The following SMTNL2 variants were observed in gnomAD, a reference collection of about 807,000 sequenced individuals.
SMTNL2 encodes smoothelin-like protein 2.
In SMTNL2, 43 loss-of-function variants were observed where a neutral mutation model predicts 44.1. The observed-to-expected ratio is 0.98, with a 90% CI of 0.76 to 1.26. The LOEUF (loss-of-function observed/expected upper bound fraction) is 1.26. SMTNL2 is among the 50% of genes most tolerant of loss of function. The probability of loss-of-function intolerance (pLI) is 0.00; values close to 1 mark genes in which losing one functional copy is unlikely to be tolerated. For missense variants in SMTNL2, 646 were observed against 670.2 expected, an observed-to-expected ratio of 0.96 and a Z score of 0.40; for synonymous variants, 317 against 287.6, an observed-to-expected ratio of 1.10 and a Z score of -1.03.
rs1470861567 is a variant in SMTNL2, at chr17:4,592,814, G to A, written c.488-115G>A. On this transcript the variant is annotated intron_variant, in intron 2 of 7. Transcript: ENST00000389313. This position sits in a 1 kb window ranked among gnomAD's most constrained non-coding sequence, Gnocchi z 4.5. The stretch of plus-strand genomic sequence containing the variant: ...CAGAGAGGCTGGAGCAGTCAGGGAG[G>A]CCTTCCTAGAGGAGGTGGGAGGAGG... 5 of 1,405,580 alleles carry A rather than the reference G, an allele frequency of 3.6e-6. No homozygotes were observed. The highest frequency in any genetic ancestry group is 3.8e-6 in the Non-Finnish European group (4 of 1,044,870). 87.1% of individuals were successfully genotyped at this position (1,405,580 alleles called of 1,614,324 possible). A position where few individuals can be genotyped will look rare whatever the true frequency, so the allele number is the denominator to read the frequency against.
In SMTNL2 at chr17:4,598,138, G is replaced by C. The variant is rs1909893348; in HGVS notation, c.1259+815G>C. 6.6e-6 allele frequency among the ~76,000 whole-genome samples: 1 copy of C among 152,238 alleles called. No homozygotes were observed. Among genetic ancestry groups the C allele is most frequent in the Non-Finnish European group, 1.5e-5 (1 of 68,036 alleles). On this transcript the variant is annotated intron_variant, in intron 7 of 7. Coordinates refer to ENST00000389313, the MANE Select transcript of SMTNL2 (RefSeq NM_001114974.2). The surrounding 1 kb of genome is among the most constrained non-coding windows in gnomAD (Gnocchi z 4.8). ...GTGGCCTGGGTGCGGAGGACTGTCT[G>C]ATAAGAGCTGCGCTTTGGGCAAATG...
chr17:4,603,871 G>C (rs1389905046), intron 7 of SMTNL2, among the ~76,000 whole-genome samples: 1 of 151,670 alleles, frequency 6.6e-6, no homozygotes, highest in Non-Finnish European at 1.5e-5. Flanking sequence ...TTGAGATAGA[G>C]TCTCACTCTG....
intron 7 of SMTNL2, among the ~76,000 whole-genome samples, chr17:4,602,113 C>T (rs1374075897): frequency 3.3e-5 from 5 of 151,970 alleles, no homozygotes; most frequent in Admixed American, 6.6e-5. Flanking sequence ...TAATACTTAC[C>T]GGTTGAGCAT....
At position 4,593,109 on chromosome 17, in the gene SMTNL2, C is replaced by G; in HGVS notation, c.668C>G (p.Thr223Ser). 6.2e-7 allele frequency: 1 copy of G among 1,613,702 alleles called. No homozygotes were observed. Among genetic ancestry groups the G allele is most frequent in the Non-Finnish European group, 8.5e-7 (1 of 1,179,838 alleles). ...AAALSPMSAA[T>S]LGGLNPSPSE... The stretch of plus-strand genomic sequence containing the variant: ...GCTCTATCACCCATGTCTGCTGCCA[C>G]CCTGGGGGGCCTCAACCCAAGCCCC... The change falls in exon 3 of 8, where the codon ACC becomes AGC. Residue 223 changes from threonine (T) to serine (S), a missense_variant. By Grantham distance (58) the Thr-to-Ser change is moderately conservative. Coordinates refer to ENST00000389313, the MANE Select transcript of SMTNL2 (RefSeq NM_001114974.2).
rs774419171 is a variant in SMTNL2 at position 4,607,424 on chromosome 17, G to A, written c.1323G>A (p.Pro441=). ...VEDMMVMGRK[P]DPMCVFTYVQ... is the part of the protein sequence containing the mutation. ...ACATGATGGTGATGGGCCGCAAGCCGGACCCCATGTGTGTCTTCACCTACG... is the reference window on the plus strand; with the variant it reads ...ACATGATGGTGATGGGCCGCAAGCCAGACCCCATGTGTGTCTTCACCTACG... The change falls in exon 8 of 8, where the codon CCG becomes CCA. Residue 441 remains proline (P), a synonymous_variant. Coordinates refer to ENST00000389313, the MANE Select transcript of SMTNL2 (RefSeq NM_001114974.2). This position sits in a 1 kb window ranked among gnomAD's most constrained non-coding sequence, Gnocchi z 4.7. The A allele has an allele frequency of 1.3e-5, 21 of 1,614,066 alleles. No individual in the cohort carries two copies. Among genetic ancestry groups the A allele is most frequent in the African/African-American group, 4.0e-5 (3 of 74,920 alleles).
At chr17:4,604,912 C>T (rs1383148847) in intron 7 of SMTNL2, among the ~76,000 whole-genome samples, 1 of 152,068 alleles carries the variant, frequency 6.6e-6, no homozygotes, top group Non-Finnish European at 1.5e-5. Flanking sequence ...CTCAGGCAAT[C>T]TGCCCGCCTC....
intron 7 of SMTNL2, among the ~76,000 whole-genome samples, chr17:4,605,506 C>T (rs766106935): frequency 2.6e-5 from 4 of 152,068 alleles, no homozygotes; most frequent in Admixed American, 2.0e-4. Flanking sequence ...CTTTGCTGTT[C>T]CACCTGATTT....
upstream of SMTNL2, among the ~76,000 whole-genome samples, chr17:4,584,269 T>C (rs949361878): frequency 3.3e-5 from 5 of 152,106 alleles, no homozygotes; most frequent in African/African-American, 1.2e-4. Context: ...CCGGGTGTGC[T>C]CTCTACGGTC....
Position 4,592,907 on chromosome 17 carries a change from C to G in SMTNL2, c.488-22C>G. The stretch of plus-strand genomic sequence containing the variant: ...GTGGCTGCCACAGCTGACCACCCAC[C>G]CATGCTGGTCACATGTTCCAGGTCC... On this transcript the variant is annotated intron_variant, in intron 2 of 7. Coordinates refer to ENST00000389313, the MANE Select transcript of SMTNL2 (RefSeq NM_001114974.2). The surrounding 1 kb of genome is among the most constrained non-coding windows in gnomAD (Gnocchi z 4.5). The G allele has an allele frequency of 6.3e-7, 1 of 1,598,098 alleles. No homozygotes were observed. Among genetic ancestry groups the G allele is most frequent in the South Asian group, 1.1e-5 (1 of 89,374 alleles).
chr17:4,601,509 T>C (rs555207324), intron 7 of SMTNL2, among the ~76,000 whole-genome samples: 3 of 150,878 alleles, frequency 2.0e-5, no homozygotes, highest in South Asian at 4.2e-4. Context: ...ACTTTCTGTT[T>C]GAATGATTGA....
Position 4,584,959 on chromosome 17 carries a change from A to G in SMTNL2, c.354A>G (p.Ala118=). Residue 118 remains alanine (A), a synonymous_variant, in exon 1 of 8, where the codon GCA becomes GCG. Transcript: ENST00000389313. ...ACCGCGCGCCCCGCCTGGGCAGCGC[A>G]CGCTTCGCCAGCCACGCCACCTTCT... ...VPDRAPRLGS[A]RFASHATFSL... The G allele has an allele frequency of 7.3e-7, 1 of 1,367,970 alleles. No individual in the cohort carries two copies. 84.7% of individuals were successfully genotyped at this position (1,367,970 alleles called of 1,614,324 possible). A position where few individuals can be genotyped will look rare whatever the true frequency, so the allele number is the denominator to read the frequency against.
At position 4,592,336 on chromosome 17, in the gene SMTNL2, C is replaced by T; in HGVS notation, c.400-25C>T. 6.2e-7 allele frequency: 1 copy of T among 1,611,440 alleles called. No individual in the cohort carries two copies. Among genetic ancestry groups the T allele is most frequent in the South Asian group, 1.1e-5 (1 of 91,014 alleles). On this transcript the variant is annotated intron_variant, in intron 1 of 7. Transcript: ENST00000389313. This position sits in a 1 kb window ranked among gnomAD's most constrained non-coding sequence, Gnocchi z 4.5. ...GGCAGCTGGCCCTAGCTGATGGGGT[C>T]TCGGTGACATTTGTGTCTCTGTAGA... is the stretch of plus-strand genomic sequence containing the variant.
chr17:4,592,800 G>T lies in SMTNL2; in HGVS notation c.488-129G>T. ...CTGGTAGGGGAGGTCAGAGAGGCTG[G>T]AGCAGTCAGGGAGGCCTTCCTAGAG... On this transcript the variant is annotated intron_variant, in intron 2 of 7. Coordinates refer to ENST00000389313, the MANE Select transcript of SMTNL2 (RefSeq NM_001114974.2). This position sits in a 1 kb window ranked among gnomAD's most constrained non-coding sequence, Gnocchi z 4.5. 3.1e-6 allele frequency: 4 copies of T among 1,283,220 alleles called. No individual in the cohort carries two copies. The highest frequency in any genetic ancestry group is 4.3e-6 in the Non-Finnish European group (4 of 939,308). 79.5% of individuals were successfully genotyped at this position (1,283,220 alleles called of 1,614,324 possible).
In SMTNL2 at chr17:4,600,728, G is replaced by A. The variant is rs994882285; in HGVS notation, c.1259+3405G>A. 5.3e-5 allele frequency among the ~76,000 whole-genome samples: 8 copies of A among 152,162 alleles called. No individual in the cohort carries two copies. The South Asian group carries it at 8.3e-4, about 16-fold the overall frequency. On this transcript the variant is annotated intron_variant, in intron 7 of 7. Transcript: ENST00000389313. The surrounding 1 kb of genome is among the most constrained non-coding windows in gnomAD (Gnocchi z 4.7). ...TTTTATGGAAGGGGCTGAGTCGGGC[G>A]GGCGCCTGACCCTTCTGCACCCGTC... is the stretch of plus-strand genomic sequence containing the variant.
At chr17:4,594,209 GA>G (rs1909705857) in intron 4 of SMTNL2, among the ~76,000 whole-genome samples, 1 of 152,194 alleles carries the variant, frequency 6.6e-6, no homozygotes, top group Admixed American at 6.5e-5. Context: ...AGCACTTTGG[GA>G]GGTTGAGGTG....
Position 4,586,609 on chromosome 17 carries a change from A to G in SMTNL2, c.399+1605A>G, listed in dbSNP as rs547479247. Reference sequence around the variant, plus strand: ...TTGTTCACTGGCACCAAGCTAGTCCACTAGGTTAGGAGTTGGTGGATGAAG... The same window carrying G: ...TTGTTCACTGGCACCAAGCTAGTCCGCTAGGTTAGGAGTTGGTGGATGAAG... On this transcript the variant is annotated intron_variant, in intron 1 of 7. Coordinates refer to ENST00000389313, the MANE Select transcript of SMTNL2 (RefSeq NM_001114974.2). Among the ~76,000 whole-genome samples, 23 of 152,216 alleles carry G rather than the reference A, an allele frequency of 1.5e-4. No individual in the cohort carries two copies. In the East Asian group the frequency reaches 4.5e-3, roughly 29 times the overall value.
rs536480692 is a variant in SMTNL2 at position 4,598,298 on chromosome 17, T to A, written c.1259+975T>A. Among the ~76,000 whole-genome samples the A allele has an allele frequency of 1.3e-4, 20 of 152,266 alleles. No individual in the cohort carries two copies. In the East Asian group the frequency reaches 3.9e-3, roughly 29 times the overall value. ...GAAGACAGAGGGCCAGGGCTGTGGT[T>A]CATCCTGGCCCCCAGGGCAGGGAGC... On this transcript the variant is annotated intron_variant, in intron 7 of 7. Coordinates refer to ENST00000389313, the MANE Select transcript of SMTNL2 (RefSeq NM_001114974.2). This position sits in a 1 kb window ranked among gnomAD's most constrained non-coding sequence, Gnocchi z 4.8.
rs897588053 is a variant in SMTNL2 at position 4,607,582 on chromosome 17, G to T, written c.*95G>T. 1.9e-6 allele frequency: 3 copies of T among 1,543,112 alleles called. No individual in the cohort carries two copies. In the South Asian group the frequency reaches 3.7e-5, roughly 19 times the overall value. ...CCAGGATGCCCCCAGGAGCCTTGCC[G>T]TTTGGTGTGAGCGCGCTGTTTGTTC... On this transcript the variant is annotated 3_prime_UTR_variant, in exon 8 of 8. Transcript: ENST00000389313. This position sits in a 1 kb window ranked among gnomAD's most constrained non-coding sequence, Gnocchi z 4.7.
Position 4,600,326 on chromosome 17 carries a change from C to G in SMTNL2, c.1259+3003C>G, listed in dbSNP as rs771821304. On this transcript the variant is annotated intron_variant, in intron 7 of 7. Coordinates refer to ENST00000389313, the MANE Select transcript of SMTNL2 (RefSeq NM_001114974.2). This position sits in a 1 kb window ranked among gnomAD's most constrained non-coding sequence, Gnocchi z 4.7. ...GGCAAAGGCTGAGCAGATCCAGGGT[C>G]GTGCAGGCAGCAGGACCACAGAGCT... is the stretch of plus-strand genomic sequence containing the variant. 5.9e-5 allele frequency among the ~76,000 whole-genome samples: 9 copies of G among 152,082 alleles called. No homozygotes were observed. Among genetic ancestry groups the G allele is most frequent in the African/African-American group, 2.2e-4 (9 of 41,386 alleles).
Sources: gnomAD v4.1 joint callset for allele counts (sites outside exome capture counted in the v4.1 genomes callset) on GRCh38, gnomAD v4.1.1 for gene constraint, Gnocchi (gnomAD v3.1) non-coding constraint, MANE v1.5 for transcripts, NCBI Gene and HGNC (gene_info 2026-07-23, HGNC 2026-07-21) for gene names.